Variants in WARS2 observed in about 807,000 individuals in gnomAD.
WARS2 encodes tryptophanyl tRNA synthetase 2, mitochondrial, also known as tryptophan--tRNA ligase, mitochondrial.
Under a neutral mutation model 36.5 loss-of-function variants are expected in WARS2, and 28 were observed. That is an observed-to-expected ratio of 0.77 (90% CI 0.57 to 1.05). The LOEUF (loss-of-function observed/expected upper bound fraction) is 1.05. WARS2 is among the 50% of genes least tolerant of loss of function. The pLI is 0.00. For synonymous variants in WARS2, 174 were observed against 178.4 expected, an observed-to-expected ratio of 0.98 and a Z score of 0.20; for missense variants, 435 against 456.8, an observed-to-expected ratio of 0.95 and a Z score of 0.44.
At chr1:119,042,848 T>C (rs139987234) in intron 3 of WARS2, among the ~76,000 whole-genome samples, 2 of 152,144 alleles carry the variant, frequency 1.3e-5, no homozygotes, top group African/African-American at 4.8e-5. Flanking sequence ...AAAAAAGTCA[T>C]GGCATTTAAA....
chr1:119,060,428 A>G (rs1650282046), intron 2 of WARS2, among the ~76,000 whole-genome samples: 1 of 152,208 alleles, frequency 6.6e-6, no homozygotes, highest in Non-Finnish European at 1.5e-5. Context: ...CCACAGGCCT[A>G]TCAGATTAGG....
intron 1 of WARS2, among the ~76,000 whole-genome samples, chr1:119,133,039 T>C (rs1656229563): frequency 6.6e-6 from 1 of 152,172 alleles, no homozygotes; most frequent in African/African-American, 2.4e-5. Context: ...TGGTCAGCCA[T>C]CAACTTTAGC....
intron 1 of WARS2, among the ~76,000 whole-genome samples, chr1:119,086,269 T>G (rs1328627749): frequency 1.3e-5 from 2 of 152,220 alleles, no homozygotes; most frequent in Non-Finnish European, 2.9e-5. Flanking sequence ...CAATTATCAC[T>G]GCTCACACAT....
chr1:119,092,095 A>T (rs1355324002), intron 1 of WARS2, among the ~76,000 whole-genome samples: 1 of 152,198 alleles, frequency 6.6e-6, no homozygotes, highest in Non-Finnish European at 1.5e-5. Context: ...TGGATCAAAG[A>T]GTGAGAATAT....
chr1:119,121,084 T>C (rs1344331175), intron 1 of WARS2, among the ~76,000 whole-genome samples: 2 of 151,942 alleles, frequency 1.3e-5, no homozygotes, highest in African/African-American at 4.8e-5. Flanking sequence ...GCATCCAAAT[T>C]GGTAACGAGG....
At chr1:119,115,794 C>T (rs587636425) in intron 1 of WARS2, among the ~76,000 whole-genome samples, 14 of 152,300 alleles carry the variant, frequency 9.2e-5, no homozygotes, top group Admixed American at 7.2e-4. Context: ...ATCACTGACA[C>T]CCATGACACT....
At chr1:119,096,957 A>G (rs1653484267) in intron 1 of WARS2, among the ~76,000 whole-genome samples, 2 of 152,198 alleles carry the variant, frequency 1.3e-5, no homozygotes, top group African/African-American at 4.8e-5. Flanking sequence ...GCTTGCCTCA[A>G]CTGGTAAACT....
At chr1:119,046,730 C>A (rs748458588) in intron 2 of WARS2, among the ~76,000 whole-genome samples, 130 of 151,904 alleles carry the variant, frequency 8.6e-4, no homozygotes, top group Non-Finnish European at 1.5e-3. Flanking sequence ...CCTATGCATC[C>A]CGTTTCTTTA....
At chr1:119,108,785 T>C (rs12125319) in intron 1 of WARS2, among the ~76,000 whole-genome samples, 1,959 of 152,098 alleles carry the variant, frequency 0.013, 19 homozygotes, top group Non-Finnish European at 0.019. Context: ...TTTTGCTAGT[T>C]TACTATCTAA....
chr1:119,135,763 G>T lies in WARS2; in HGVS notation c.90+4792C>A, dbSNP rs28584230. On this transcript the variant is annotated intron_variant, in intron 1 of 5. Transcript: ENST00000235521. ...ATAGATAGATAGATAGAGAGATAGA[G>T]AGAGAGAGAGAGATGGGTTTTGGGG... 3.0e-3 allele frequency among the ~76,000 whole-genome samples: 435 copies of T among 145,020 alleles called. 2 individuals are homozygous for T. The highest frequency in any genetic ancestry group is 4.0e-3 in the Non-Finnish European group (257 of 64,488).
At chr1:119,099,767 T>G (rs887741795) in intron 1 of WARS2, among the ~76,000 whole-genome samples, 1 of 152,196 alleles carries the variant, frequency 6.6e-6, no homozygotes, top group African/African-American at 2.4e-5. Context: ...AGAATGAAAC[T>G]GAACCCTTAT....
chr1:119,054,210 A>C (rs1370516862), intron 2 of WARS2, among the ~76,000 whole-genome samples: 1 of 151,874 alleles, frequency 6.6e-6, no homozygotes, highest in Non-Finnish European at 1.5e-5. Flanking sequence ...ACTAAACATC[A>C]ACTCGATTGA....
At chr1:119,061,637 A>C (rs12132642) in intron 2 of WARS2, among the ~76,000 whole-genome samples, 16,564 of 152,180 alleles carry the variant, frequency 0.11, 1,015 homozygotes, top group South Asian at 0.16. Flanking sequence ...AGTTATTTTT[A>C]CAGCATTAAA....
At chr1:119,064,784 C>G (rs547768673) in intron 2 of WARS2, 2 of 152,524 alleles carry the variant, frequency 1.3e-5, no homozygotes, top group African/African-American at 4.8e-5. Flanking sequence ...CTTTTTCTTC[C>G]CAGTCTCGGG....
chr1:119,132,476 G>A (rs587745181), intron 1 of WARS2, among the ~76,000 whole-genome samples: 2 of 152,184 alleles, frequency 1.3e-5, no homozygotes, highest in African/African-American at 4.8e-5. Context: ...CTTACCCTCA[G>A]CCCAAGAAGC....
At chr1:119,046,931 G>A (rs141016979) in intron 2 of WARS2, among the ~76,000 whole-genome samples, 25 of 152,260 alleles carry the variant, frequency 1.6e-4, no homozygotes, top group African/African-American at 5.1e-4. Context: ...ACAAGGAATC[G>A]CCATCTGTTG....
At position 119,108,585 on chromosome 1, in the gene WARS2, C is replaced by T. The variant is rs587643023; in HGVS notation, c.90+31970G>A. Among the ~76,000 whole-genome samples the T allele has an allele frequency of 4.6e-5, 7 of 151,900 alleles. No individual in the cohort carries two copies. The East Asian group carries it at 1.2e-3, about 25-fold the overall frequency. On this transcript the variant is annotated intron_variant, in intron 1 of 5. Coordinates refer to ENST00000235521, the MANE Select transcript of WARS2 (RefSeq NM_015836.4). ...TTGTGTCATCTCTTTATTTCTTAGC[C>T]TGGCTAAGGGTTAGTGATTTTATTA... is the stretch of plus-strand genomic sequence containing the variant.
intron 2 of WARS2, among the ~76,000 whole-genome samples, chr1:119,066,204 G>A (rs902761292): frequency 8.5e-5 from 13 of 152,140 alleles, no homozygotes; most frequent in South Asian, 2.1e-4. Flanking sequence ...AAGGCTGGGT[G>A]CGGTGGCTCA....
intron 2 of WARS2, among the ~76,000 whole-genome samples, chr1:119,056,186 A>ATTTTTTTTTTTTTTTTTTT (rs751264352): frequency 8.6e-6 from 1 of 116,174 alleles, no homozygotes; most frequent in African/African-American, 3.3e-5. Context: ...TGCCTGGCTA[A>ATTTTTTTTTTTTTTTTTTT]TTTTTTTTTT....
Sources: gnomAD v4.1 joint callset for allele counts (sites outside exome capture counted in the v4.1 genomes callset) on GRCh38, gnomAD v4.1.1 for gene constraint, MANE v1.5 for transcripts, NCBI Gene and HGNC (gene_info 2026-07-23, HGNC 2026-07-21) for gene names.